The following MAP4 variants were observed in gnomAD, a reference collection of about 807,000 sequenced individuals.
MAP4 encodes microtubule-associated protein 4.
Under a neutral mutation model 170.2 loss-of-function variants are expected in MAP4, and 76 were observed. That is an observed-to-expected ratio of 0.45 (90% CI 0.37 to 0.54). MAP4 has a LOEUF of 0.54. Among genes scored for constraint, MAP4 ranks in the 20% least tolerant of loss-of-function variants. The pLI, the probability that MAP4 is intolerant of heterozygous loss-of-function variation, is 0.00. For synonymous variants in MAP4, 909 were observed against 994.5 expected, an observed-to-expected ratio of 0.91 and a Z score of 1.62; for missense variants, 2,506 against 2,748.0, an observed-to-expected ratio of 0.91 and a Z score of 1.97.
intron 10 of MAP4, among the ~76,000 whole-genome samples, chr3:47,883,544 T>G (rs906022840): frequency 6.6e-6 from 1 of 152,152 alleles, no homozygotes; most frequent in Admixed American, 6.6e-5. Flanking sequence ...TTTTTACCCA[T>G]TCCATTGTTG....
chr3:48,022,551 A>G (rs985762626), intron 1 of MAP4, among the ~76,000 whole-genome samples: 2 of 152,216 alleles, frequency 1.3e-5, no homozygotes, highest in Non-Finnish European at 2.9e-5. Flanking sequence ...CAGCCAACTC[A>G]TCCATTAAGT....
At chr3:48,000,221 CAAAA>C (rs530513032) in intron 1 of MAP4, among the ~76,000 whole-genome samples, 2 of 79,914 alleles carry the variant, frequency 2.5e-5, no homozygotes, top group Non-Finnish European at 4.5e-5. Flanking sequence ...ACTCCCCCAT[CAAAA>C]AAAAAAAAAA....
chr3:47,853,310 G>C lies in MAP4; in HGVS notation c.6739C>G (p.Pro2247Ala), dbSNP rs777240592. ...GSEAPLCPGP[P>A]AGEEPAISEA... ...GAGATGGCCGGCTCCTCCCCAGCAG[G>C]GGGACCCGGACACAGAGGAGCCTCG... is the stretch of plus-strand genomic sequence containing the variant. Residue 2247 changes from proline (P) to alanine (A), a missense_variant, in exon 20 of 21, where the codon CCT becomes GCT. Physicochemically the swap from Pro to Ala is conservative, Grantham distance 27. This residue lies in a region of MAP4 where 487 missense variants were observed against 511.6 expected (regional missense o/e 0.95). Coordinates refer to ENST00000683076, the MANE Select transcript of MAP4 (RefSeq NM_001385682.1). 3 of 1,611,118 alleles carry C rather than the reference G, an allele frequency of 1.9e-6. No individual in the cohort carries two copies. Among genetic ancestry groups the C allele is most frequent in the Non-Finnish European group, 2.5e-6 (3 of 1,179,558 alleles).
chr3:48,004,297 G>A (rs1474942870), intron 1 of MAP4, among the ~76,000 whole-genome samples: 1 of 152,088 alleles, frequency 6.6e-6, no homozygotes, highest in Non-Finnish European at 1.5e-5. Context: ...AGTCCTTGGC[G>A]TGAACTATTT....
At chr3:48,057,261 A>G (rs2100132644) in intron 1 of MAP4, among the ~76,000 whole-genome samples, 4 of 134,154 alleles carry the variant, frequency 3.0e-5, no homozygotes, top group African/African-American at 8.5e-5. Flanking sequence ...TTTGTTCTGC[A>G]CTAAGAAAAA....
chr3:48,084,554 T>G (rs536151610), intron 1 of MAP4, among the ~76,000 whole-genome samples: 1 of 152,008 alleles, frequency 6.6e-6, no homozygotes, highest in Admixed American at 6.6e-5. Context: ...CCCCTATATG[T>G]ATCAGTGTGC....
chr3:48,038,601 C>T (rs967421293), intron 1 of MAP4, among the ~76,000 whole-genome samples: 9 of 151,894 alleles, frequency 5.9e-5, no homozygotes, highest in African/African-American at 1.9e-4. Context: ...GCGGGGACTA[C>T]AGGCGCCTGC....
intron 17 of MAP4, among the ~76,000 whole-genome samples, chr3:47,865,707 G>A (rs754881468): frequency 8.5e-5 from 13 of 152,174 alleles, no homozygotes; most frequent in Non-Finnish European, 1.3e-4. Flanking sequence ...AGAAAGAACC[G>A]AATGAACTCA....
chr3:48,049,204 C>T (rs1190804359), intron 1 of MAP4, among the ~76,000 whole-genome samples: 1 of 152,180 alleles, frequency 6.6e-6, no homozygotes, highest in African/African-American at 2.4e-5. Flanking sequence ...TCACATTTTG[C>T]TGTTTTGAAT....
intron 3 of MAP4, among the ~76,000 whole-genome samples, chr3:47,971,637 T>C (rs902687326): frequency 6.6e-6 from 1 of 152,094 alleles, no homozygotes; most frequent in Non-Finnish European, 1.5e-5. Context: ...TAAATAAGAG[T>C]AATTTACCTC....
intron 1 of MAP4, among the ~76,000 whole-genome samples, chr3:48,051,086 C>G (rs2100127550): frequency 6.7e-6 from 1 of 148,556 alleles, no homozygotes. Context: ...GAAAACCATT[C>G]AATTTCCACA....
intron 3 of MAP4, among the ~76,000 whole-genome samples, chr3:47,951,288 T>C (rs2154099552): frequency 6.6e-6 from 1 of 152,248 alleles, no homozygotes; most frequent in Non-Finnish European, 1.5e-5. Flanking sequence ...TTTTAAAGTA[T>C]CTCACTTTTT....
intron 10 of MAP4, chr3:47,891,786 A>T (rs2100024135): frequency 1.3e-6 from 2 of 1,536,248 alleles, no homozygotes; most frequent in Non-Finnish European, 8.7e-7. Context: ...TGGGCTAGAG[A>T]CACCAGGAGT....
chr3:47,986,707 T>C lies in MAP4; in HGVS notation c.224-8774A>G, dbSNP rs1338394534. Among the ~76,000 whole-genome samples, 4 of 152,068 alleles carry C rather than the reference T, an allele frequency of 2.6e-5. No individual in the cohort carries two copies. In the East Asian group the frequency reaches 5.8e-4, roughly 22 times the overall value. On this transcript the variant is annotated intron_variant, in intron 2 of 20. Coordinates refer to ENST00000683076, the MANE Select transcript of MAP4 (RefSeq NM_001385682.1). ...ATACATTTTGGTACGATATTTTTTT[T>C]CCCCAAAAAGAACTATTAGTTATGA...
intron 1 of MAP4, among the ~76,000 whole-genome samples, chr3:48,062,511 A>C (rs1316806892): frequency 4.0e-5 from 6 of 150,494 alleles, no homozygotes; most frequent in African/African-American, 2.4e-5. Context: ...AAAAAAAAAA[A>C]AAAAAACATC....
intron 17 of MAP4, among the ~76,000 whole-genome samples, chr3:47,864,609 G>A (rs747959212): frequency 9.2e-5 from 14 of 152,086 alleles, no homozygotes; most frequent in Admixed American, 2.0e-4. Flanking sequence ...TCCGGGAGGC[G>A]GAGCTTGCAG....
At chr3:48,052,974 G>C (rs1205633455) in intron 1 of MAP4, among the ~76,000 whole-genome samples, 1 of 152,180 alleles carries the variant, frequency 6.6e-6, no homozygotes, top group East Asian at 1.9e-4. Flanking sequence ...TGAAAGGATA[G>C]CTTCCCAAAT....
rs183498178 is a variant in MAP4, at chr3:47,977,290, G to A, written c.292+575C>T. Among the ~76,000 whole-genome samples, 11 of 152,270 alleles carry A rather than the reference G, an allele frequency of 7.2e-5. No homozygotes were observed. The East Asian group carries it at 2.1e-3, about 29-fold the overall frequency. On this transcript the variant is annotated intron_variant, in intron 3 of 20. Transcript: ENST00000683076. ...CTCACTACAAAGACATTGGGGCAGG[G>A]GGTTGGTGCTGGTTATGAGACAGGA... is the stretch of plus-strand genomic sequence containing the variant.
At chr3:47,957,207 G>T (rs1485039309) in intron 3 of MAP4, among the ~76,000 whole-genome samples, 10 of 152,044 alleles carry the variant, frequency 6.6e-5, no homozygotes, top group Non-Finnish European at 1.2e-4. Flanking sequence ...TCCCTCTGTC[G>T]CCCAGTCTGG....
Sources: gnomAD v4.1 joint callset for allele counts (sites outside exome capture counted in the v4.1 genomes callset) on GRCh38, gnomAD v4.1.1 for gene constraint, gnomAD v4.1.1 regional missense constraint, MANE v1.5 for transcripts, NCBI Gene and HGNC (gene_info 2026-07-23, HGNC 2026-07-21) for gene names.